The following FAT3 variants were observed in gnomAD, a reference collection of about 807,000 sequenced individuals.
FAT3 encodes the protein FAT atypical cadherin 3.
FAT3 carries 95 observed loss-of-function variants against 310.2 expected under a neutral mutation model. That is an observed-to-expected ratio of 0.31 (90% confidence interval 0.26 to 0.36). FAT3 has a LOEUF of 0.36. Ranked by LOEUF, FAT3 falls within the 10% of genes least tolerant of loss-of-function variation. The pLI is 1.00. For missense variants in FAT3, 5,408 were observed against 5,715.6 expected (o/e 0.95, Z 1.74); for synonymous variants, 2,314 against 2,192.9 (o/e 1.06, Z -1.54).
At chr11:92,769,498 A>G (rs1268514918) in intron 6 of FAT3, among the ~76,000 whole-genome samples, 2 of 152,180 alleles carry the variant, frequency 1.3e-5, no homozygotes, top group African/African-American at 4.8e-5. Context: ...CAGTCCCTGT[A>G]TCTTTATTCT....
intron 4 of FAT3, among the ~76,000 whole-genome samples, chr11:92,725,039 A>C (rs1021313577): frequency 1.3e-5 from 2 of 152,200 alleles, no homozygotes; most frequent in Non-Finnish European, 2.9e-5. Flanking sequence ...AACACACAAG[A>C]CAAGAATGGA....
chr11:92,830,779 G>A (rs1948226672), intron 13 of FAT3, among the ~76,000 whole-genome samples: 1 of 152,068 alleles, frequency 6.6e-6, no homozygotes, highest in Admixed American at 6.6e-5. Context: ...CAAAACCTAA[G>A]GGTCATTCTA....
chr11:92,793,238 A>G (rs1947082455), intron 9 of FAT3, among the ~76,000 whole-genome samples: 1 of 152,170 alleles, frequency 6.6e-6, no homozygotes, highest in South Asian at 2.1e-4. Flanking sequence ...AGAAGAGAAA[A>G]TAAATACGTA....
chr11:92,343,102 C>T (rs1326438894), intron 1 of FAT3, among the ~76,000 whole-genome samples: 1 of 152,206 alleles, frequency 6.6e-6, no homozygotes, highest in African/African-American at 2.4e-5. Context: ...ATTCGTAACA[C>T]TGCCGCTGTG....
In FAT3 at chr11:92,741,765, C is replaced by G. The variant is rs140255386; in HGVS notation, c.3670-20091C>G. Among the ~76,000 whole-genome samples, 78 of 152,242 alleles carry G rather than the reference C, an allele frequency of 5.1e-4. 2 individuals carry two copies. In the East Asian group the frequency reaches 0.014, roughly 28 times the overall value. On this transcript the variant is annotated intron_variant, in intron 4 of 27. Coordinates refer to ENST00000525166, the MANE Select transcript of FAT3 (RefSeq NM_001367949.2). ...ATCCTGAGACCCATTTCCCCAGGGA[C>G]TTGAATTTTATTATGTGTAAAGAAA...
intron 4 of FAT3, among the ~76,000 whole-genome samples, chr11:92,735,945 T>G (rs1290867483): frequency 6.6e-6 from 1 of 152,118 alleles, no homozygotes; most frequent in African/African-American, 2.4e-5. Flanking sequence ...ATGTAACAAA[T>G]ATGGATATTG....
intron 2 of FAT3, among the ~76,000 whole-genome samples, chr11:92,368,961 G>T (rs1375713207): frequency 6.6e-6 from 1 of 151,170 alleles, no homozygotes; most frequent in Non-Finnish European, 1.5e-5. Context: ...AGCCATTCCA[G>T]TATGTGTGTA....
At chr11:92,724,676 A>G (rs1282534397) in intron 4 of FAT3, among the ~76,000 whole-genome samples, 1 of 152,204 alleles carries the variant, frequency 6.6e-6, no homozygotes, top group Non-Finnish European at 1.5e-5. Flanking sequence ...CACAGTATTC[A>G]TGTGTATTAA....
intron 3 of FAT3, among the ~76,000 whole-genome samples, chr11:92,633,764 T>C (rs769623352): frequency 6.6e-6 from 1 of 152,216 alleles, no homozygotes; most frequent in Admixed American, 6.5e-5. Flanking sequence ...CAACCCCCTT[T>C]ACAATGATGT....
intron 2 of FAT3, among the ~76,000 whole-genome samples, chr11:92,438,034 A>C (rs1277949032): frequency 6.6e-6 from 1 of 152,182 alleles, no homozygotes; most frequent in East Asian, 1.9e-4. Context: ...GTTGATGCTG[A>C]AAACTTGAAA....
At chr11:92,421,521 T>C (rs1950533497) in intron 2 of FAT3, among the ~76,000 whole-genome samples, 1 of 152,244 alleles carries the variant, frequency 6.6e-6, no homozygotes, top group Admixed American at 6.5e-5. Flanking sequence ...ACCGTGTGTA[T>C]GGTAATTGAG....
intron 4 of FAT3, among the ~76,000 whole-genome samples, chr11:92,713,841 C>G (rs1944597265): frequency 6.6e-6 from 1 of 152,148 alleles, no homozygotes; most frequent in Non-Finnish European, 1.5e-5. Context: ...CCAGAAAACT[C>G]AGTTCATAAT....
At chr11:92,392,487 A>G (rs375200202) in intron 2 of FAT3, among the ~76,000 whole-genome samples, 15 of 152,068 alleles carry the variant, frequency 9.9e-5, no homozygotes, top group East Asian at 3.9e-4. Context: ...GCTGACCGCA[A>G]TTTATCCTTG....
chr11:92,694,412 T>G (rs967436344), intron 3 of FAT3, among the ~76,000 whole-genome samples: 22 of 152,232 alleles, frequency 1.4e-4, no homozygotes, highest in African/African-American at 5.3e-4. Context: ...TTCACTGTTG[T>G]GTATGTTGTT....
rs573463398 is a variant in FAT3, at chr11:92,692,587, A to G, written c.3608-4797A>G. Among the ~76,000 whole-genome samples the G allele has an allele frequency of 2.0e-5, 3 of 152,340 alleles. No individual in the cohort carries two copies. In the East Asian group the frequency reaches 5.8e-4, roughly 29 times the overall value. On this transcript the variant is annotated intron_variant, in intron 3 of 27. Coordinates refer to ENST00000525166, the MANE Select transcript of FAT3 (RefSeq NM_001367949.2). ...TAGTCTAGATGGAGATTCAGATGAT[A>G]AATGAATTAATTACATGCAACATGC...
intron 3 of FAT3, among the ~76,000 whole-genome samples, chr11:92,642,527 G>T (rs192440377): frequency 1.1e-4 from 16 of 152,328 alleles, no homozygotes; most frequent in Non-Finnish European, 1.9e-4. Flanking sequence ...CCTGACCAGA[G>T]AATTCACAGA....
chr11:92,880,203 T>G (rs1055483030), intron 22 of FAT3, among the ~76,000 whole-genome samples: 1 of 150,914 alleles, frequency 6.6e-6, no homozygotes, highest in Non-Finnish European at 1.5e-5. Flanking sequence ...TTCCTTCCAT[T>G]TCCCTGTGCC....
At chr11:92,324,013 G>C (rs958202171) in intron 1 of FAT3, among the ~76,000 whole-genome samples, 2 of 152,100 alleles carry the variant, frequency 1.3e-5, no homozygotes, top group Admixed American at 6.6e-5. Context: ...TGCTAGCTTC[G>C]GACTTTTCTT....
chr11:92,813,341 G>A (rs1487832831), intron 13 of FAT3, among the ~76,000 whole-genome samples: 3 of 152,124 alleles, frequency 2.0e-5, no homozygotes, highest in Non-Finnish European at 2.9e-5. Context: ...GAATTCAAGT[G>A]CCCCTTCACC....
Sources: allele counts gnomAD v4.1 joint callset (sites outside exome capture counted in the v4.1 genomes callset), GRCh38; gene constraint gnomAD v4.1.1; transcripts MANE v1.5; gene names NCBI Gene and HGNC (gene_info 2026-07-23, HGNC 2026-07-21).